PPARGC1A: variants seen among roughly 807,000 people sequenced by gnomAD.
The protein encoded by PPARGC1A is PPARG coactivator 1 alpha.
Under a neutral mutation model 88.7 loss-of-function variants are expected in PPARGC1A, and 25 were observed. The observed-to-expected ratio is 0.28, with a 90% CI of 0.21 to 0.39. PPARGC1A has a LOEUF of 0.39. PPARGC1A is among the 10% of genes least tolerant of loss of function. PPARGC1A has a pLI of 1.00. For synonymous variants in PPARGC1A, 363 were observed against 355.6 expected, an observed-to-expected ratio of 1.02 and a Z score of -0.24; for missense variants, 880 against 968.7, an observed-to-expected ratio of 0.91 and a Z score of 1.22.
intron 7 of PPARGC1A, among the ~76,000 whole-genome samples, chr4:23,818,992 G>C (rs769706987): frequency 2.0e-5 from 3 of 151,718 alleles, no homozygotes; most frequent in Non-Finnish European, 2.9e-5. Context: ...AAAATTAGGA[G>C]ATGAGTTTCT....
the PPARGC1A span, among the ~76,000 whole-genome samples, chr4:24,367,366 A>C: frequency 2.0e-5 from 3 of 152,198 alleles, no homozygotes; most frequent in African/African-American, 7.2e-5. Flanking sequence ...CAGACACAGA[A>C]AGAAAACTTC....
the PPARGC1A span, among the ~76,000 whole-genome samples, chr4:24,249,546 G>A: frequency 6.6e-6 from 1 of 152,194 alleles, no homozygotes; most frequent in Non-Finnish European, 1.5e-5. Flanking sequence ...CATGAAGACA[G>A]AATTCTCTGT....
chr4:24,189,805 T>C, the PPARGC1A span, among the ~76,000 whole-genome samples: 105 of 152,250 alleles, frequency 6.9e-4, no homozygotes, highest in Non-Finnish European at 1.2e-3. Flanking sequence ...TCTCTGTCAC[T>C]GCCTACTATG....
intron 1 of PPARGC1A, among the ~76,000 whole-genome samples, chr4:23,887,625 C>T (rs548418374): frequency 5.9e-5 from 9 of 152,308 alleles, no homozygotes; most frequent in African/African-American, 2.2e-4. Flanking sequence ...CCCCAACAGA[C>T]TTTTCTCTTA....
At chr4:24,272,040 T>C in the PPARGC1A span, among the ~76,000 whole-genome samples, 2 of 152,186 alleles carry the variant, frequency 1.3e-5, no homozygotes, top group Non-Finnish European at 2.9e-5. Context: ...CTTCTGTCTC[T>C]CAGGGACTGC....
At chr4:23,882,305 C>A (rs1716100773) in intron 2 of PPARGC1A, among the ~76,000 whole-genome samples, 1 of 152,178 alleles carries the variant, frequency 6.6e-6, no homozygotes, top group South Asian at 2.1e-4. Flanking sequence ...TTCTTTATAT[C>A]CAGTAGCTTA....
intron 12 of PPARGC1A, among the ~76,000 whole-genome samples, chr4:23,800,213 G>A (rs1718416504): frequency 6.6e-6 from 1 of 151,964 alleles, no homozygotes; most frequent in Non-Finnish European, 1.5e-5. Context: ...TAATGATGAG[G>A]ACTAGATTTA....
chr4:24,011,361 G>A, the PPARGC1A span, among the ~76,000 whole-genome samples: 4 of 152,046 alleles, frequency 2.6e-5, no homozygotes, highest in Non-Finnish European at 2.9e-5. Context: ...CAGACTCACT[G>A]CACAAGCACT....
At chr4:24,190,465 A>G in the PPARGC1A span, among the ~76,000 whole-genome samples, 2 of 152,192 alleles carry the variant, frequency 1.3e-5, no homozygotes, top group Non-Finnish European at 2.9e-5. Flanking sequence ...CAGTGAGCCG[A>G]GATCGCACCA....
At chr4:23,874,674 T>G (rs902135983) in intron 2 of PPARGC1A, among the ~76,000 whole-genome samples, 1 of 152,220 alleles carries the variant, frequency 6.6e-6, no homozygotes, top group Non-Finnish European at 1.5e-5. Flanking sequence ...AGGTGAATGT[T>G]GGCAAGATTT....
intron 2 of PPARGC1A, among the ~76,000 whole-genome samples, chr4:23,854,834 A>G (rs1400415906): frequency 6.6e-6 from 1 of 152,168 alleles, no homozygotes; most frequent in Non-Finnish European, 1.5e-5. Flanking sequence ...GCTATAAAGA[A>G]AAAAAGGGGA....
the PPARGC1A span, among the ~76,000 whole-genome samples, chr4:24,208,111 T>C: frequency 1.3e-5 from 2 of 151,920 alleles, no homozygotes; most frequent in African/African-American, 4.8e-5. Flanking sequence ...AGACCCTCTC[T>C]CTAGAAAAAA....
chr4:24,033,408 C>G, the PPARGC1A span, among the ~76,000 whole-genome samples: 1 of 95,478 alleles, frequency 1.0e-5, no homozygotes, highest in South Asian at 3.4e-4. Flanking sequence ...TGTAGACAGA[C>G]AGACACACAC....
At chr4:24,062,017 C>A in the PPARGC1A span, among the ~76,000 whole-genome samples, 1 of 152,156 alleles carries the variant, frequency 6.6e-6, no homozygotes, top group Non-Finnish European at 1.5e-5. Context: ...CACACAGGAC[C>A]CAGAACCCAA....
chr4:24,360,106 ACAACTTCTCAC>A, the PPARGC1A span, among the ~76,000 whole-genome samples: 59 of 152,084 alleles, frequency 3.9e-4, no homozygotes, highest in African/African-American at 1.2e-3. Flanking sequence ...CCAGAATCTC[ACAACTTCTCAC>A]CACTTCTATA....
At chr4:23,977,472 T>A in the PPARGC1A span, among the ~76,000 whole-genome samples, 1 of 152,176 alleles carries the variant, frequency 6.6e-6, no homozygotes, top group South Asian at 2.1e-4. Flanking sequence ...AAAATACTTA[T>A]CAAATTCTTA....
the PPARGC1A span, among the ~76,000 whole-genome samples, chr4:24,075,702 T>C: frequency 0.06 from 9,064 of 152,212 alleles, 798 homozygotes; most frequent in African/African-American, 0.19. Context: ...AATTCCCCTG[T>C]GCATGCTCTT....
chr4:23,985,106 G>C, the PPARGC1A span, among the ~76,000 whole-genome samples: 2 of 152,142 alleles, frequency 1.3e-5, no homozygotes, highest in Non-Finnish European at 2.9e-5. Flanking sequence ...AAAGCTGAGA[G>C]ATGAGTTACT....
At chr4:24,289,324 C>T in the PPARGC1A span, among the ~76,000 whole-genome samples, 1 of 151,572 alleles carries the variant, frequency 6.6e-6, no homozygotes, top group South Asian at 2.1e-4. Flanking sequence ...TTCAGCAAAT[C>T]CATGCCTTAC....
Sources: gnomAD v4.1 joint callset for allele counts (sites outside exome capture counted in the v4.1 genomes callset) on GRCh38, gnomAD v4.1.1 for gene constraint, MANE v1.5 for transcripts, NCBI Gene and HGNC (gene_info 2026-07-23, HGNC 2026-07-21) for gene names.